Variants in NRXN1 observed in about 807,000 individuals in gnomAD.
NRXN1 encodes neurexin-1.
Under a neutral mutation model 150.9 loss-of-function variants are expected in NRXN1, and 39 were observed. That is an observed-to-expected ratio of 0.26 (90% CI 0.20 to 0.34). The LOEUF (loss-of-function observed/expected upper bound fraction) is 0.34, where lower values mean the gene tolerates loss of function less well. NRXN1 is among the 10% of genes least tolerant of loss of function. The pLI is 1.00. For missense variants in NRXN1, 1,815 were observed against 1,949.9 expected, an observed-to-expected ratio of 0.93 and a Z score of 1.30; for synonymous variants, 924 against 757.0, an observed-to-expected ratio of 1.22 and a Z score of -3.62.
At chr2:50,770,339 T>C (rs1267315182) in intron 5 of NRXN1, among the ~76,000 whole-genome samples, 1 of 151,690 alleles carries the variant, frequency 6.6e-6, no homozygotes, top group African/African-American at 2.4e-5. Context: ...TATATATATA[T>C]ATATGATAGA....
intron 12 of NRXN1, among the ~76,000 whole-genome samples, chr2:50,521,344 T>G (rs1295661473): frequency 1.3e-5 from 2 of 152,158 alleles, no homozygotes. Context: ...TCCTGGGAAG[T>G]GCAGTTGGAG....
chr2:50,822,992 C>T (rs1257337923), intron 5 of NRXN1, among the ~76,000 whole-genome samples: 1 of 152,168 alleles, frequency 6.6e-6, no homozygotes, highest in African/African-American at 2.4e-5. Flanking sequence ...AATTGCATTT[C>T]CAACATTCAG....
chr2:50,365,708 A>T (rs1469747610), intron 17 of NRXN1, among the ~76,000 whole-genome samples: 3 of 152,030 alleles, frequency 2.0e-5, no homozygotes, highest in African/African-American at 7.2e-5. Flanking sequence ...CTACTATTTT[A>T]ATTGCCTTTT....
chr2:50,962,179 T>C (rs1248884586), intron 2 of NRXN1, among the ~76,000 whole-genome samples: 1 of 151,756 alleles, frequency 6.6e-6, no homozygotes, highest in South Asian at 2.1e-4. Flanking sequence ...ACAAACGGCA[T>C]GCCAATGTAT....
At chr2:50,440,884 G>A (rs2104448988) in intron 17 of NRXN1, among the ~76,000 whole-genome samples, 1 of 152,218 alleles carries the variant, frequency 6.6e-6, no homozygotes, top group Non-Finnish European at 1.5e-5. Context: ...GATATAAGAA[G>A]TTTAAAGTCC....
intron 5 of NRXN1, among the ~76,000 whole-genome samples, chr2:50,882,189 A>C (rs1679544382): frequency 1.3e-5 from 2 of 151,916 alleles, no homozygotes; most frequent in East Asian, 1.9e-4. Context: ...TCAACCTCCT[A>C]ACATTTAAGT....
At chr2:50,465,735 T>A (rs371535183) in intron 16 of NRXN1, among the ~76,000 whole-genome samples, 174 bp from the exon 17 acceptor site, 11 of 151,846 alleles carry the variant, frequency 7.2e-5, no homozygotes, top group South Asian at 4.1e-4. Flanking sequence ...AATATGAAGG[T>A]TTTCTTAAGT....
At chr2:50,208,102 T>C (rs1260723072) in intron 18 of NRXN1, among the ~76,000 whole-genome samples, 1 of 152,110 alleles carries the variant, frequency 6.6e-6, no homozygotes, top group Non-Finnish European at 1.5e-5. Flanking sequence ...GAACCCACTG[T>C]CTGGTGTCCA....
intron 2 of NRXN1, among the ~76,000 whole-genome samples, chr2:50,990,552 G>C (rs1387586504): frequency 6.6e-6 from 1 of 152,028 alleles, no homozygotes; most frequent in Admixed American, 6.6e-5. Context: ...GAAGAGTACA[G>C]AGGGGAACCT....
At chr2:50,732,376 T>G (rs1360629988) in intron 5 of NRXN1, among the ~76,000 whole-genome samples, 1 of 152,080 alleles carries the variant, frequency 6.6e-6, no homozygotes, top group East Asian at 1.9e-4. Context: ...TAAAAATACT[T>G]CAGGCCAGGC....
intron 17 of NRXN1, among the ~76,000 whole-genome samples, chr2:50,337,028 G>A (rs914512596): frequency 6.6e-6 from 1 of 150,518 alleles, no homozygotes; most frequent in African/African-American, 2.4e-5. Flanking sequence ...AATAAATTAT[G>A]TTTATTGACA....
intron 17 of NRXN1, among the ~76,000 whole-genome samples, chr2:50,254,935 T>C (rs369740101): frequency 3.9e-5 from 6 of 152,144 alleles, no homozygotes; most frequent in South Asian, 2.1e-4. Context: ...GCCTCCCAGA[T>C]AGCTGGGTCT....
chr2:50,727,395 A>G (rs1697515465), intron 5 of NRXN1, among the ~76,000 whole-genome samples: 2 of 152,184 alleles, frequency 1.3e-5, no homozygotes, highest in South Asian at 2.1e-4. Flanking sequence ...CAATTATGAA[A>G]TATGGAAACA....
At chr2:50,576,924 C>A (rs908367923) in intron 8 of NRXN1, among the ~76,000 whole-genome samples, 2 of 152,030 alleles carry the variant, frequency 1.3e-5, no homozygotes, top group Admixed American at 1.3e-4. Flanking sequence ...GTAAATACTG[C>A]ACCTCTATGA....
At chr2:50,495,754 G>C (rs191610815) in intron 15 of NRXN1, 151 bp downstream of exon 15, 7 of 544,482 alleles carry the variant, frequency 1.3e-5, no homozygotes, top group Middle Eastern at 5.2e-4. Context: ...GGGAGCAGAG[G>C]CTTGTGTGTT....
chr2:50,881,184 A>C (rs1350465209), intron 5 of NRXN1, among the ~76,000 whole-genome samples: 3 of 151,970 alleles, frequency 2.0e-5, no homozygotes, highest in Non-Finnish European at 4.4e-5. Flanking sequence ...TTAAAAGCAT[A>C]ATACGTTAAA....
chr2:50,614,401 G>A (rs571483807), intron 8 of NRXN1, among the ~76,000 whole-genome samples: 4 of 152,114 alleles, frequency 2.6e-5, no homozygotes, highest in African/African-American at 7.2e-5. Flanking sequence ...GGAATAAATT[G>A]GAATGCAAAT....
chr2:50,450,963 C>T (rs890623145), intron 17 of NRXN1, among the ~76,000 whole-genome samples: 10 of 152,148 alleles, frequency 6.6e-5, no homozygotes, highest in Non-Finnish European at 1.5e-5. Flanking sequence ...GGAGAAGTCA[C>T]ATGCTTAAAA....
chr2:50,752,485 A>G (rs1402976159), intron 5 of NRXN1, among the ~76,000 whole-genome samples: 1 of 151,954 alleles, frequency 6.6e-6, no homozygotes, highest in African/African-American at 2.4e-5. Flanking sequence ...AATGCTAACT[A>G]TAGGATTTCA....
Sources: allele counts gnomAD v4.1 joint callset (sites outside exome capture counted in the v4.1 genomes callset), GRCh38; gene constraint gnomAD v4.1.1; transcripts MANE v1.5; gene names NCBI Gene and HGNC (gene_info 2026-07-23, HGNC 2026-07-21).